The following SH2B1 variants were observed in gnomAD, a reference collection of about 807,000 sequenced individuals.
The protein encoded by SH2B1 is SH2B adaptor protein 1.
Under a neutral mutation model 62.6 loss-of-function variants are expected in SH2B1, and 15 were observed. The observed-to-expected ratio is 0.24, with a 90% CI of 0.16 to 0.37. SH2B1 has a LOEUF of 0.37. SH2B1 is among the 10% of genes least tolerant of loss of function. The pLI is 1.00. For synonymous variants in SH2B1, 443 were observed against 438.0 expected (o/e 1.01, Z -0.14); for missense variants, 925 against 1,015.6 (o/e 0.91, Z 1.21).
intron 1 of SH2B1, among the ~76,000 whole-genome samples, chr16:28,847,387 G>A (rs2152149445): frequency 6.6e-6 from 1 of 152,228 alleles, no homozygotes; most frequent in African/African-American, 2.4e-5. Context: ...CTAATGTTTC[G>A]GAACTCATCA....
In SH2B1 at chr16:28,872,584, G is replaced by C. The variant is rs750610428; in HGVS notation, c.1776G>C (p.Leu592=). 19 of 1,614,190 alleles carry C rather than the reference G, an allele frequency of 1.2e-5. No homozygotes were observed. The highest frequency in any genetic ancestry group is 1.6e-5 in the Non-Finnish European group (19 of 1,180,010). The part of the protein sequence containing the change: ...NEEGQCRVQH[L]WFQSIFDMLE... ...AGGGTCAGTGCCGGGTCCAGCACCTGTGGTTCCAGTCCATTTTCGATATGC... is the reference window on the plus strand; with the variant it reads ...AGGGTCAGTGCCGGGTCCAGCACCTCTGGTTCCAGTCCATTTTCGATATGC... Residue 592 remains leucine, a synonymous_variant, in exon 7 of 8, where the codon CTG becomes CTC. Transcript: ENST00000684370. This position sits in a 1 kb window ranked among gnomAD's most constrained non-coding sequence, Gnocchi z 5.3.
chr16:28,863,836 C>G, upstream of SH2B1: 1 of 1,533,248 alleles, frequency 6.5e-7, no homozygotes, highest in Non-Finnish European at 8.7e-7. Context: ...GTCCTGACGC[C>G]TGCGCGGAAC....
chr16:28,861,119 G>A (rs1439593624), upstream of SH2B1, among the ~76,000 whole-genome samples: 1 of 148,274 alleles, frequency 6.7e-6, no homozygotes, highest in Non-Finnish European at 1.5e-5. Flanking sequence ...TTACAGGACT[G>A]AGCCACCATG....
At chr16:28,851,133 C>T (rs948386381) in intron 1 of SH2B1, among the ~76,000 whole-genome samples, 2 of 147,322 alleles carry the variant, frequency 1.4e-5, no homozygotes, top group Non-Finnish European at 3.0e-5. Flanking sequence ...GAGATTGCGC[C>T]ACTGCACTCC....
Position 28,865,483 on chromosome 16 carries a change from T to A in SH2B1, c.-612T>A. On this transcript the variant is annotated 5_prime_UTR_variant, in exon 1 of 8. Coordinates refer to ENST00000684370, the MANE Select transcript of SH2B1 (RefSeq NM_001387430.1). ...CCCCCTGCGAGCTGGGGCGGTGAGG[T>A]GCTATGGCTGAGGCTGGCCCAGCCG... The A allele has an allele frequency of 1.0e-6, 1 of 985,216 alleles. No individual in the cohort carries two copies. Among genetic ancestry groups the A allele is most frequent in the Non-Finnish European group, 1.2e-6 (1 of 829,858 alleles). The allele number at this position is 985,216 out of a possible 1,614,324, so 61.0% of individuals were successfully genotyped here.
In SH2B1 at chr16:28,852,843, T is replaced by TATATTTTTATATATATTTAC. The variant is rs1567459309; in HGVS notation, c.-301+6020_-301+6021insTTTTATATATATTTACATAT. 5.1e-4 allele frequency among the ~76,000 whole-genome samples: 21 copies of TATATTTTTATATATATTTAC among 41,500 alleles called. 1 individual carries two copies. Among genetic ancestry groups the TATATTTTTATATATATTTAC allele is most frequent in the East Asian group, 2.0e-3 (5 of 2,498 alleles). The allele number at this position is 41,500 out of a possible 152,430, so 27.2% of individuals were successfully genotyped here. ...ACATATATATTTATATATATATACA[T>TATATTTTTATATATATTTAC]ATATATATTTTTATATATATTTACA... On this transcript the variant is annotated intron_variant, in intron 1 of 10. Transcript: ENST00000322610.
intron 1 of SH2B1, among the ~76,000 whole-genome samples, chr16:28,850,643 A>G (rs1265218749): frequency 7.2e-5 from 11 of 152,140 alleles, no homozygotes; most frequent in Admixed American, 3.9e-4. Context: ...GCGGATCATG[A>G]GGTCAGGAGA....
chr16:28,852,301 TACATATATA>T (rs1962128766), intron 1 of SH2B1, among the ~76,000 whole-genome samples: 1 of 82,976 alleles, frequency 1.2e-5, no homozygotes, highest in African/African-American at 4.9e-5. Context: ...TATATATATT[TACATATATA>T]TATTTACATA....
At chr16:28,850,502 G>A (rs1962070110) in intron 1 of SH2B1, among the ~76,000 whole-genome samples, 1 of 152,166 alleles carries the variant, frequency 6.6e-6, no homozygotes, top group Admixed American at 6.5e-5. Flanking sequence ...GGAGTTTGAG[G>A]CTGCAGTGAG....
chr16:28,851,833 C>G (rs1482106244), intron 1 of SH2B1, among the ~76,000 whole-genome samples: 2 of 150,348 alleles, frequency 1.3e-5, no homozygotes, highest in Admixed American at 6.6e-5. Flanking sequence ...CTTTGGGAGG[C>G]CGAGGCAGGT....
In SH2B1 at chr16:28,853,050, A is replaced by ATATGTACATATATATGTACATATATATT. The variant is rs1962230607; in HGVS notation, c.-301+6227_-301+6254dup. On this transcript the variant is annotated intron_variant, in intron 1 of 10. Coordinates refer to the SH2B1 transcript ENST00000322610. ...CATATATATGTACATATATATTTAT[A>ATATGTACATATATATGTACATATATATT]TATGTACATATATATGTACATATAT... 2.8e-5 allele frequency among the ~76,000 whole-genome samples: 3 copies of ATATGTACATATATATGTACATATATATT among 107,952 alleles called. 1 individual carries two copies. The highest frequency in any genetic ancestry group is 5.1e-5 in the Non-Finnish European group (3 of 58,408). 70.8% of individuals were successfully genotyped at this position (107,952 alleles called of 152,430 possible). A position where few individuals can be genotyped will look rare whatever the true frequency, so the allele number is the denominator to read the frequency against.
chr16:28,867,519 G>A, intron 2 of SH2B1, 87 bp downstream of exon 2: 3 of 968,546 alleles, frequency 3.1e-6, no homozygotes, highest in Middle Eastern at 2.1e-4. Context: ...TCGCCGAAAG[G>A]AGGTATATAT....
At chr16:28,848,353 GT>G (rs1353012983) in intron 1 of SH2B1, among the ~76,000 whole-genome samples, 3 of 152,026 alleles carry the variant, frequency 2.0e-5, no homozygotes, top group Non-Finnish European at 4.4e-5. Context: ...CAGGATAATT[GT>G]TTGCACCCGG....
Position 28,852,917 on chromosome 16 carries a change from TATATATATTTTTATATATATGTAC to T in SH2B1, c.-301+6102_-301+6125del, listed in dbSNP as rs1469248699. ...ATATATTTTTATATATACATGTACA[TATATATATTTTTATATATATGTAC>T]ATATATATTTTATATATGTACATAT... On this transcript the variant is annotated intron_variant, in intron 1 of 10. Transcript: ENST00000322610. Among the ~76,000 whole-genome samples, 57 of 54,268 alleles carry T rather than the reference TATATATATTTTTATATATATGTAC, an allele frequency of 1.1e-3. 7 individuals carry two copies. The highest frequency in any genetic ancestry group is 1.8e-3 in the Admixed American group (6 of 3,412). The allele number at this position is 54,268 out of a possible 152,430, so 35.6% of individuals were successfully genotyped here. A position where few individuals can be genotyped will look rare whatever the true frequency, so the allele number is the denominator to read the frequency against.
rs373944872 is a variant in SH2B1, at chr16:28,852,406, ACATATATATT to A, written c.-301+5580_-301+5589del. The stretch of plus-strand genomic sequence containing the variant: ...TATTTATATATATACATATATATTT[ACATATATATT>A]TATATATTTACATATATATTTATAT... On this transcript the variant is annotated intron_variant, in intron 1 of 10. Transcript: ENST00000322610. Among the ~76,000 whole-genome samples, 60 of 21,626 alleles carry A rather than the reference ACATATATATT, an allele frequency of 2.8e-3. 3 individuals are homozygous for A. Among genetic ancestry groups the A allele is most frequent in the East Asian group, 8.7e-3 (6 of 686 alleles). 14.2% of individuals were successfully genotyped at this position (21,626 alleles called of 152,430 possible).
chr16:28,858,376 G>T (rs909122036), intron 1 of SH2B1, among the ~76,000 whole-genome samples: 1 of 152,138 alleles, frequency 6.6e-6, no homozygotes, highest in African/African-American at 2.4e-5. Flanking sequence ...AGCTGGGTGT[G>T]GTGGCCCATG....
rs370910681 is a variant in SH2B1 at position 28,855,647 on chromosome 16, A to ATTT, written c.-300-5963_-300-5961dup. On this transcript the variant is annotated intron_variant, in intron 1 of 10. Coordinates refer to the SH2B1 transcript ENST00000322610. ...TAAGAACTTATTTATTTATTTATTT[A>ATTT]TTTTTTTTTTGAGACAGAGTCTTGT... Among the ~76,000 whole-genome samples the ATTT allele has an allele frequency of 4.5e-4, 65 of 145,076 alleles. 1 individual carries two copies. The highest frequency in any genetic ancestry group is 1.0e-3 in the Admixed American group (15 of 14,374).
upstream of SH2B1, among the ~76,000 whole-genome samples, chr16:28,860,806 C>A (rs1224693519): frequency 1.2e-5 from 1 of 83,560 alleles, no homozygotes; most frequent in Non-Finnish European, 2.3e-5. Flanking sequence ...ACAGTTAGGA[C>A]TCCAGATTTG....
chr16:28,857,712 A>G lies in SH2B1; in HGVS notation c.-300-3906A>G, dbSNP rs554045866. On this transcript the variant is annotated intron_variant, in intron 1 of 10. Coordinates refer to the SH2B1 transcript ENST00000322610. ...CACATCAATGCATTTGCTGACCAGAACACCCACTGAGTTTCAGTGTCCGGA... is the reference window on the plus strand; with the variant it reads ...CACATCAATGCATTTGCTGACCAGAGCACCCACTGAGTTTCAGTGTCCGGA... Among the ~76,000 whole-genome samples, 92 of 150,486 alleles carry G rather than the reference A, an allele frequency of 6.1e-4. 6 individuals are homozygous for G. The South Asian group carries it at 0.015, about 25-fold the overall frequency.
Sources: allele counts gnomAD v4.1 joint callset (sites outside exome capture counted in the v4.1 genomes callset), GRCh38; gene constraint gnomAD v4.1.1; non-coding constraint Gnocchi (gnomAD v3.1); transcripts MANE v1.5; gene names NCBI Gene and HGNC (gene_info 2026-07-23, HGNC 2026-07-21).